PTGFRN: variants seen among roughly 807,000 people sequenced by gnomAD.
PTGFRN encodes prostaglandin F2 receptor inhibitor.
A neutral mutation model predicts 83.2 loss-of-function variants in PTGFRN; 35 were observed. That is an observed-to-expected ratio of 0.42 (90% CI 0.32 to 0.56). PTGFRN has a LOEUF of 0.56. Among genes scored for constraint, PTGFRN ranks in the 20% least tolerant of loss-of-function variants. The pLI is 0.11. For missense variants in PTGFRN, 1,051 were observed against 1,179.5 expected (o/e 0.89, Z 1.60); for synonymous variants, 519 against 498.6 (o/e 1.04, Z -0.55).
Position 116,957,248 on chromosome 1 carries a change from C to T in PTGFRN, c.1214-3995C>T, listed in dbSNP as rs73014746. Among the ~76,000 whole-genome samples the T allele has an allele frequency of 8.9e-3, 1,355 of 151,800 alleles. 21 individuals carry two copies. The highest frequency in any genetic ancestry group is 0.031 in the African/African-American group (1,294 of 41,324). ...GGTTGTGAGCGTGCTGTAGTAAAGA[C>T]GCCATGGATGCTCAGTTAGAATGCC... is the stretch of plus-strand genomic sequence containing the variant. On this transcript the variant is annotated intron_variant, in intron 4 of 8. Coordinates refer to ENST00000393203, the MANE Select transcript of PTGFRN (RefSeq NM_020440.4).
chr1:116,940,172 T>TA (rs1233974033), intron 1 of PTGFRN, among the ~76,000 whole-genome samples: 1 of 152,224 alleles, frequency 6.6e-6, no homozygotes, highest in Non-Finnish European at 1.5e-5. Flanking sequence ...CCAGGTTGCT[T>TA]AAACAGACAT....
chr1:116,910,373 A>C, intron 1 of PTGFRN, 121 bp downstream of exon 1: 1 of 922,780 alleles, frequency 1.1e-6, no homozygotes, highest in Non-Finnish European at 1.4e-6. Flanking sequence ...CTCCCGGGAA[A>C]CCCGGCCGGG....
At chr1:116,945,920 G>A (rs1650190712) in intron 3 of PTGFRN, among the ~76,000 whole-genome samples, 1 of 152,108 alleles carries the variant, frequency 6.6e-6, no homozygotes, top group South Asian at 2.1e-4. Context: ...GGGCCCTTGG[G>A]TCAGAGGTAT....
chr1:116,972,383 G>C (rs921081551), intron 6 of PTGFRN, among the ~76,000 whole-genome samples: 3 of 151,968 alleles, frequency 2.0e-5, no homozygotes, highest in African/African-American at 7.3e-5. Flanking sequence ...CCCCCACTAG[G>C]GTTCAATATT....
At chr1:116,930,612 C>T (rs1025837798) in intron 1 of PTGFRN, among the ~76,000 whole-genome samples, 5 of 152,198 alleles carry the variant, frequency 3.3e-5, no homozygotes. Context: ...TGTCTCCCCT[C>T]ACAGGTCTAC....
At chr1:116,944,608 A>C (rs776821138) in intron 2 of PTGFRN, 71 bp from the exon 3 acceptor site, 10 of 1,308,596 alleles carry the variant, frequency 7.6e-6, no homozygotes, top group Non-Finnish European at 8.8e-6. Context: ...CTGTGGTTGC[A>C]GCGGTGGGCT....
chr1:116,989,659 A>G lies in PTGFRN; in HGVS notation c.*2692A>G, dbSNP rs1003837458. 14 of 152,544 alleles carry G rather than the reference A, an allele frequency of 9.2e-5. No homozygotes were observed. Among genetic ancestry groups the G allele is most frequent in the African/African-American group, 3.4e-4 (14 of 41,430 alleles). The allele number at this position is 152,544 out of a possible 1,614,324, so 9.4% of individuals were successfully genotyped here. On this transcript the variant is annotated 3_prime_UTR_variant, in exon 9 of 9. Coordinates refer to ENST00000393203, the MANE Select transcript of PTGFRN (RefSeq NM_020440.4). ...AAGCTATGTTCAGATAGAAGCCTCGAAATTCCTGTAAATTGTTTACTTTAT... is the reference window on the plus strand; with the variant it reads ...AAGCTATGTTCAGATAGAAGCCTCGGAATTCCTGTAAATTGTTTACTTTAT...
Position 116,939,185 on chromosome 1 carries a change from C to T in PTGFRN, c.50-2530C>T, listed in dbSNP as rs144624705. ...CTGGAGGATGGTGGCCTTCTTCTCA[C>T]AGCTCCACTAGGCCATGCCCCAGTA... On this transcript the variant is annotated intron_variant, in intron 1 of 8. Coordinates refer to ENST00000393203, the MANE Select transcript of PTGFRN (RefSeq NM_020440.4). Among the ~76,000 whole-genome samples, 35 of 152,368 alleles carry T rather than the reference C, an allele frequency of 2.3e-4. No individual in the cohort carries two copies. In the East Asian group the frequency reaches 6.2e-3, roughly 27 times the overall value.
At position 116,967,214 on chromosome 1, in the gene PTGFRN, C is replaced by T; in HGVS notation, c.1943C>T (p.Ser648Leu). The T allele has an allele frequency of 6.2e-7, 1 of 1,614,198 alleles. No homozygotes were observed. Among genetic ancestry groups the T allele is most frequent in the Non-Finnish European group, 8.5e-7 (1 of 1,180,036 alleles). The change falls in exon 6 of 9, where the codon TCA (serine) becomes TTA (leucine). Residue 648 changes from serine (S) to leucine (L), a missense_variant. Ser to Leu is a moderately radical substitution (Grantham distance 145). Coordinates refer to ENST00000393203, the MANE Select transcript of PTGFRN (RefSeq NM_020440.4). ...TATCGAATGTACCAGACTCAGGTCT[C>T]AGACGCAGGGCTGTACCGCTGCATG... ...FRYRMYQTQV[S>L]DAGLYRCMVT...
In PTGFRN at chr1:116,918,961, C is replaced by T. The variant is rs1006704821; in HGVS notation, c.49+8709C>T. On this transcript the variant is annotated intron_variant, in intron 1 of 8. Transcript: ENST00000393203. The surrounding 1 kb of genome is among the most constrained non-coding windows in gnomAD (Gnocchi z 4.1). The stretch of plus-strand genomic sequence containing the variant: ...GATGCACCTGCAGAAGGTTTGAGGG[C>T]CTGGAGGGCATGATGATGGCATAAA... 1.3e-5 allele frequency among the ~76,000 whole-genome samples: 2 copies of T among 152,004 alleles called. No homozygotes were observed. The highest frequency in any genetic ancestry group is 1.5e-5 in the Non-Finnish European group (1 of 67,990).
chr1:116,942,232 T>C, intron 2 of PTGFRN, 149 bp downstream of exon 2: 1 of 1,207,244 alleles, frequency 8.3e-7, no homozygotes, highest in South Asian at 1.7e-5. Context: ...TAATCATGTC[T>C]TAAAATTTAA....
At chr1:116,914,227 C>G (rs1026635548) in intron 1 of PTGFRN, among the ~76,000 whole-genome samples, 5 of 152,176 alleles carry the variant, frequency 3.3e-5, no homozygotes, top group African/African-American at 1.2e-4. Flanking sequence ...CCAGCCCCTA[C>G]AAAGGAGGAA....
At chr1:116,984,271 T>A (rs1194732489) in intron 7 of PTGFRN, among the ~76,000 whole-genome samples, 1 of 152,122 alleles carries the variant, frequency 6.6e-6, no homozygotes, top group African/African-American at 2.4e-5. Context: ...GGAGCTGGCT[T>A]TCTTTGGGAG....
At position 116,986,807 on chromosome 1, in the gene PTGFRN, A is replaced by T; in HGVS notation, c.2480A>T (p.Asn827Ile). ...TTTGATCTCTCCCTCCCAGTGCTGA[A>T]CGCCTTCAAGTATCCCTTGCTGATC... ...VFITVKMDVL[N>I]AFKYPLLIGV... Residue 827 changes from asparagine (N) to isoleucine (I), a missense_variant, in exon 9 of 9, where the codon AAC (asparagine) becomes ATC (isoleucine). Asn to Ile is a moderately radical substitution (Grantham distance 149). Coordinates refer to ENST00000393203, the MANE Select transcript of PTGFRN (RefSeq NM_020440.4). The T allele has an allele frequency of 6.2e-7, 1 of 1,614,064 alleles. No individual in the cohort carries two copies. The highest frequency in any genetic ancestry group is 8.5e-7 in the Non-Finnish European group (1 of 1,179,962).
Position 116,923,387 on chromosome 1 carries a change from GTT to G in PTGFRN, c.49+13139_49+13140del, listed in dbSNP as rs1649584910. ...GCGTGTGACTTCATTTCTAAGACAG[GTT>G]TTTGTGGTAGAGTAGGAAAAAATGA... On this transcript the variant is annotated intron_variant, in intron 1 of 8. Transcript: ENST00000393203. This position sits in a 1 kb window ranked among gnomAD's most constrained non-coding sequence, Gnocchi z 4.0. Among the ~76,000 whole-genome samples, 1 of 152,148 alleles carries G rather than the reference GTT, an allele frequency of 6.6e-6. No individual in the cohort carries two copies. Among genetic ancestry groups the G allele is most frequent in the South Asian group, 2.1e-4 (1 of 4,826 alleles).
chr1:116,949,056 C>A, intron 3 of PTGFRN, 136 bp from the exon 4 acceptor site: 1 of 1,039,162 alleles, frequency 9.6e-7, no homozygotes, highest in Non-Finnish European at 1.4e-6. Context: ...ATTTCTCAAG[C>A]ACTTACAACT....
At position 116,942,077 on chromosome 1, in the gene PTGFRN, G is replaced by T. The variant is rs1242213837; in HGVS notation, c.412G>T (p.Val138Phe). Residue 138 changes from valine (V) to phenylalanine (F), a missense_variant, in exon 2 of 9, where the codon GTT becomes TTT. Val to Phe is a conservative substitution (Grantham distance 50). Around this residue, in one of 3 missense-constraint regions of PTGFRN, gnomAD observed 205 missense variants for 174.5 expected, o/e 1.17. Transcript: ENST00000393203. The stretch of plus-strand genomic sequence containing the variant: ...GGGAAACTATGAGGACACAGTGCAG[G>T]TTAAAGGTACAGTCCTCACATGGGC... ...VQGNYEDTVQ[V>F]KVLADSLHVG... The T allele has an allele frequency of 3.1e-6, 5 of 1,611,572 alleles. 1 individual carries two copies. In the South Asian group the frequency reaches 5.5e-5, roughly 18 times the overall value.
chr1:116,987,300 C>T lies in PTGFRN; in HGVS notation c.*333C>T, dbSNP rs1472142332. 2 of 237,368 alleles carry T rather than the reference C, an allele frequency of 8.4e-6. No homozygotes were observed. The highest frequency in any genetic ancestry group is 8.3e-6 in the Non-Finnish European group (1 of 119,872). 14.7% of individuals were successfully genotyped at this position (237,368 alleles called of 1,614,324 possible). The stretch of plus-strand genomic sequence containing the variant: ...GTGTGTGTTTATAGCTTTTGTTTCG[C>T]GGGGTTGTGGTGAGGAAGGGGTGAT... On this transcript the variant is annotated 3_prime_UTR_variant, in exon 9 of 9. Coordinates refer to ENST00000393203, the MANE Select transcript of PTGFRN (RefSeq NM_020440.4).
intron 1 of PTGFRN, among the ~76,000 whole-genome samples, chr1:116,926,905 G>A (rs768785371): frequency 1.5e-4 from 23 of 152,192 alleles, no homozygotes; most frequent in South Asian, 4.1e-4. Flanking sequence ...AAAGTCACTA[G>A]TCAGCTGTCT....
Sources: gnomAD v4.1 joint callset for allele counts (sites outside exome capture counted in the v4.1 genomes callset) on GRCh38, gnomAD v4.1.1 for gene constraint, gnomAD v4.1.1 regional missense constraint, Gnocchi (gnomAD v3.1) non-coding constraint, MANE v1.5 for transcripts, NCBI Gene and HGNC (gene_info 2026-07-23, HGNC 2026-07-21) for gene names.